Variants in PP2D1 observed in about 807,000 individuals in gnomAD.
PP2D1 encodes protein phosphatase 2C-like domain-containing protein 1.
In PP2D1, 25 loss-of-function variants were observed where a neutral mutation model predicts 30.2. That is an observed-to-expected ratio of 0.83 (90% CI 0.60 to 1.16). The LOEUF (loss-of-function observed/expected upper bound fraction) is 1.16, where lower values mean the gene tolerates loss of function less well. PP2D1 is among the 50% of genes most tolerant of loss of function. PP2D1 has a pLI of 0.00. For synonymous variants in PP2D1, 260 were observed against 258.9 expected, an observed-to-expected ratio of 1.00 and a Z score of -0.04; for missense variants, 760 against 742.4, an observed-to-expected ratio of 1.02 and a Z score of -0.28.
At chr3:20,005,007 A>G (rs1203066871) in intron 1 of PP2D1, among the ~76,000 whole-genome samples, 1 of 152,074 alleles carries the variant, frequency 6.6e-6, no homozygotes, top group Non-Finnish European at 1.5e-5. Context: ...GCTACTCAGG[A>G]GGCTGAGGTG....
chr3:20,000,707 T>A (rs1172968457), intron 2 of PP2D1, among the ~76,000 whole-genome samples: 8 of 152,236 alleles, frequency 5.3e-5, no homozygotes, highest in Admixed American at 5.2e-4. Context: ...AAAATGTTTT[T>A]AATTTTGTTC....
At chr3:20,009,454 C>G (rs1249205382) in intron 1 of PP2D1, among the ~76,000 whole-genome samples, 1 of 151,784 alleles carries the variant, frequency 6.6e-6, no homozygotes, top group Non-Finnish European at 1.5e-5. Context: ...GACTGAGACC[C>G]TGTCTCAAAA....
At chr3:19,988,000 C>T (rs1697063373) in intron 2 of PP2D1, among the ~76,000 whole-genome samples, 1 of 152,174 alleles carries the variant, frequency 6.6e-6, no homozygotes, top group Admixed American at 6.5e-5. Context: ...TGTCTTTAAT[C>T]TCTTAATCCT....
downstream of PP2D1, among the ~76,000 whole-genome samples, chr3:19,982,161 C>T (rs1696941389): frequency 1.3e-5 from 2 of 151,962 alleles, no homozygotes; most frequent in Non-Finnish European, 2.9e-5. Flanking sequence ...TCTTTTGAGC[C>T]CAGGAGTTCA....
In PP2D1 at chr3:19,985,774, CTGGT is replaced by C; in HGVS notation, c.1495_1498del (p.Thr499ValfsTer51). The C allele has an allele frequency of 6.5e-7, 1 of 1,536,018 alleles. No homozygotes were observed. Among genetic ancestry groups the C allele is most frequent in the Non-Finnish European group, 8.7e-7 (1 of 1,146,862 alleles). Reference sequence around the variant, plus strand: ...CTGTGATTTAGTAAGGTTTGGTTCACTGGTTGAAAAAAGCAGAGGCCCTTTGGAT... The same window carrying C: ...CTGTGATTTAGTAAGGTTTGGTTCACTGAAAAAAGCAGAGGCCCTTTGGAT... On this transcript the variant is annotated frameshift_variant, in exon 3 of 3. Coordinates refer to ENST00000389050, the MANE Select transcript of PP2D1 (RefSeq NM_001252657.2). LOFTEE classifies it low-confidence loss of function (END_TRUNC).
chr3:20,004,394 T>G (rs1192726747), intron 1 of PP2D1, among the ~76,000 whole-genome samples: 1 of 152,226 alleles, frequency 6.6e-6, no homozygotes, highest in Non-Finnish European at 1.5e-5. Flanking sequence ...TCTCAGAAAG[T>G]ATCCCCATCG....
chr3:19,983,725 A>C, downstream of PP2D1: 1 of 1,610,236 alleles, frequency 6.2e-7, no homozygotes, highest in Non-Finnish European at 8.5e-7. Context: ...ATTGCCAAAG[A>C]ATGAACCACA....
intron 1 of PP2D1, among the ~76,000 whole-genome samples, chr3:20,003,260 T>C (rs1697277847): frequency 6.6e-6 from 1 of 151,814 alleles, no homozygotes; most frequent in Non-Finnish European, 1.5e-5. Context: ...AAGAAGGCAT[T>C]GTTAACATAG....
chr3:19,991,901 G>C (rs980947085), intron 2 of PP2D1, among the ~76,000 whole-genome samples: 4 of 152,266 alleles, frequency 2.6e-5, no homozygotes, highest in Admixed American at 2.0e-4. Context: ...GCTTAAGATA[G>C]TAGGCAGTGG....
At chr3:19,984,982 A>G (rs575590190), downstream of PP2D1, 2 of 183,324 alleles carry the variant, frequency 1.1e-5, no homozygotes, top group East Asian at 3.2e-4. Flanking sequence ...TCAGTTCAGT[A>G]TATTGCACTA....
chr3:19,996,960 A>C (rs1206475442), intron 2 of PP2D1: 2 of 151,800 alleles, frequency 1.3e-5, no homozygotes, highest in Admixed American at 1.3e-4. Flanking sequence ...AATGAAGGAG[A>C]AATACCATAT....
rs1408491868 is a variant in PP2D1 at position 19,985,996 on chromosome 3, A to C, written c.1277T>G (p.Leu426Arg). The change falls in exon 3 of 3, where the codon CTC (leucine) becomes CGC (arginine). Residue 426 changes from leucine to arginine, a missense_variant. By Grantham distance (102) the Leu-to-Arg change is moderately radical. Transcript: ENST00000389050. Reference sequence around the variant, plus strand: ...TGGGATAATGGATTTTTTCAGCTTGAGATTTCCATGAAATCCAAGTCCTCG... The same window carrying C: ...TGGGATAATGGATTTTTTCAGCTTGCGATTTCCATGAAATCCAAGTCCTCG... The part of the protein sequence containing the change: ...TTRGLGFHGN[L>R]KLKKSIIPAP... The C allele has an allele frequency of 6.5e-7, 1 of 1,536,136 alleles. No individual in the cohort carries two copies. Among genetic ancestry groups the C allele is most frequent in the South Asian group, 1.2e-5 (1 of 84,060 alleles).
chr3:19,984,173 G>GGAAA, downstream of PP2D1: 1 of 394,912 alleles, frequency 2.5e-6, no homozygotes, highest in African/African-American at 2.2e-5. Flanking sequence ...AGTCACCTGT[G>GGAAA]AAAAAAAAAT....
At chr3:19,983,079 A>G (rs1480082499), downstream of PP2D1, among the ~76,000 whole-genome samples, 2 of 152,156 alleles carry the variant, frequency 1.3e-5, no homozygotes, top group Non-Finnish European at 1.5e-5. Context: ...GCTCACGCCT[A>G]TAATCCCAAC....
chr3:19,988,570 A>G lies in PP2D1; in HGVS notation c.1091-2388T>C, dbSNP rs532649817. Among the ~76,000 whole-genome samples the G allele has an allele frequency of 1.3e-5, 2 of 152,224 alleles. 1 individual carries two copies. Among genetic ancestry groups the G allele is most frequent in the South Asian group, 4.1e-4 (2 of 4,824 alleles). On this transcript the variant is annotated intron_variant, in intron 2 of 2. Transcript: ENST00000389050. ...TCGTTCTGCCCCCATTTGCCTTGTG[A>G]TATTTTATTGCCTTGTGAAGCATGT...
chr3:20,007,004 C>CAT (rs1491541217), intron 1 of PP2D1, among the ~76,000 whole-genome samples: 1 of 94,746 alleles, frequency 1.1e-5, no homozygotes, highest in African/African-American at 3.7e-5. Context: ...CACACACACA[C>CAT]GTATACACAC....
At chr3:20,006,708 C>A (rs1697321778) in intron 1 of PP2D1, among the ~76,000 whole-genome samples, 1 of 152,002 alleles carries the variant, frequency 6.6e-6, no homozygotes, top group Non-Finnish European at 1.5e-5. Context: ...GTGATCCACC[C>A]GCCCTGCCTC....
chr3:20,008,553 G>A (rs1186849680), intron 1 of PP2D1, among the ~76,000 whole-genome samples: 1 of 152,094 alleles, frequency 6.6e-6, no homozygotes, highest in Admixed American at 6.6e-5. Flanking sequence ...GGCAACAAGA[G>A]TGAAACTCTG....
chr3:19,983,323 G>GT, downstream of PP2D1, among the ~76,000 whole-genome samples: 2 of 139,212 alleles, frequency 1.4e-5, no homozygotes. Context: ...GTGAGCCTGG[G>GT]TGACAGAGTG....
Sources: gnomAD v4.1 joint callset for allele counts (sites outside exome capture counted in the v4.1 genomes callset) on GRCh38, gnomAD v4.1.1 for gene constraint, MANE v1.5 for transcripts, NCBI Gene and HGNC (gene_info 2026-07-23, HGNC 2026-07-21) for gene names.